The following PHTF1 variants were observed in gnomAD, a reference collection of about 807,000 sequenced individuals.
The protein encoded by PHTF1 is protein PHTF1.
Under a neutral mutation model 102.4 loss-of-function variants are expected in PHTF1, and 88 were observed. That is an observed-to-expected ratio of 0.86 (90% CI 0.72 to 1.03). The LOEUF (loss-of-function observed/expected upper bound fraction) is 1.03. Among genes scored for constraint, PHTF1 ranks in the 50% least tolerant of loss-of-function variants. PHTF1 has a pLI of 0.00. For missense variants in PHTF1, 814 were observed against 909.5 expected (o/e 0.89, Z 1.35); for synonymous variants, 289 against 305.2 (o/e 0.95, Z 0.55).
At chr1:113,742,770 T>C (rs772245888) in intron 3 of PHTF1, among the ~76,000 whole-genome samples, 4 of 152,212 alleles carry the variant, frequency 2.6e-5, no homozygotes, top group South Asian at 2.1e-4. Context: ...TAGTACACTA[T>C]TGTAGACTTT....
intron 12 of PHTF1, 65 bp from the exon 13 acceptor site, chr1:113,706,227 T>TG: frequency 2.3e-6 from 3 of 1,306,976 alleles, no homozygotes; most frequent in Non-Finnish European, 3.2e-6. Flanking sequence ...AAGCAGTATT[T>TG]ATCAAACACT....
At position 113,696,901 on chromosome 1, in the gene PHTF1, T is replaced by A. The variant is rs1648878933; in HGVS notation, c.*804A>T. The A allele has an allele frequency of 6.6e-6, 1 of 152,162 alleles. No individual in the cohort carries two copies. The highest frequency in any genetic ancestry group is 6.5e-5 in the Admixed American group (1 of 15,274). The allele number at this position is 152,162 out of a possible 1,614,324, so 9.4% of individuals were successfully genotyped here. A position where few individuals can be genotyped will look rare whatever the true frequency, so the allele number is the denominator to read the frequency against. ...GATAAACTATCAATGATGCTTGTGA[T>A]AGGACACATAGCACTGTGTTAGGAA... On this transcript the variant is annotated 3_prime_UTR_variant, in exon 19 of 19. Coordinates refer to ENST00000369604, the MANE Select transcript of PHTF1 (RefSeq NM_001323043.2).
chr1:113,758,578 G>A (rs1460904997), intron 2 of PHTF1, 81 bp downstream of exon 2: 4 of 773,520 alleles, frequency 5.2e-6, no homozygotes, highest in Non-Finnish European at 8.0e-6. Flanking sequence ...TAAACTCGGG[G>A]GAAAGTAACA....
rs564415220 is a variant in PHTF1 at position 113,710,622 on chromosome 1, C to T, written c.1048-147G>A. The T allele has an allele frequency of 4.2e-5, 27 of 635,316 alleles. No individual in the cohort carries two copies. The East Asian group carries it at 4.4e-4, about 10-fold the overall frequency. The allele number at this position is 635,316 out of a possible 1,614,324, so 39.4% of individuals were successfully genotyped here. A position where few individuals can be genotyped will look rare whatever the true frequency, so the allele number is the denominator to read the frequency against. ...GAATTCATTTTTTCACAGGGCTTCA[C>T]GTAACAATAATGCTTTTTTATTTTT... On this transcript the variant is annotated intron_variant, in intron 10 of 18. Coordinates refer to ENST00000369604, the MANE Select transcript of PHTF1 (RefSeq NM_001323043.2).
chr1:113,747,268 T>C (rs1282528032), intron 3 of PHTF1, among the ~76,000 whole-genome samples: 1 of 152,238 alleles, frequency 6.6e-6, no homozygotes, highest in East Asian at 1.9e-4. Flanking sequence ...TATTATATTT[T>C]CCTCTCACAA....
Position 113,713,473 on chromosome 1 carries a change from T to G in PHTF1, c.624-35A>C, listed in dbSNP as rs375146846. The G allele has an allele frequency of 2.3e-4, 288 of 1,243,732 alleles. 1 individual carries two copies. Among genetic ancestry groups the G allele is most frequent in the Non-Finnish European group, 1.0e-4 (88 of 876,964 alleles). 77.0% of individuals were successfully genotyped at this position (1,243,732 alleles called of 1,614,324 possible). On this transcript the variant is annotated intron_variant, in intron 7 of 18. Transcript: ENST00000369604. ...AAAAAAGGAAAAGAAGATTAATTTT[T>G]TGAAAGTAACACCTTTCATGAAACC...
intron 18 of PHTF1, 44 bp from the exon 19 acceptor site, chr1:113,697,769 C>T: frequency 6.8e-7 from 1 of 1,463,978 alleles, no homozygotes; most frequent in Non-Finnish European, 9.6e-7. Context: ...CTAGGAAAAC[C>T]AGGTGGGATT....
At chr1:113,712,937 G>A (rs528731333) in intron 8 of PHTF1, among the ~76,000 whole-genome samples, 2 of 152,062 alleles carry the variant, frequency 1.3e-5, no homozygotes, top group Admixed American at 6.6e-5. Flanking sequence ...GACTACAGGC[G>A]CCCGCCAACA....
chr1:113,705,309 G>A (rs1279587001), intron 13 of PHTF1, among the ~76,000 whole-genome samples: 9 of 152,148 alleles, frequency 5.9e-5, no homozygotes, highest in South Asian at 4.2e-4. Flanking sequence ...GTGTGGTGGC[G>A]CAGGCCTGTA....
chr1:113,704,643 AT>A lies in PHTF1; in HGVS notation c.1803+22del, dbSNP rs748697708. On this transcript the variant is annotated intron_variant, in intron 14 of 18. Coordinates refer to ENST00000369604, the MANE Select transcript of PHTF1 (RefSeq NM_001323043.2). ...GTGAGCATATTCTTGCACATACTCT[AT>A]TGTTAATCAAATAAAACTCACCTTT... 9.7e-6 allele frequency: 15 copies of A among 1,545,194 alleles called. No individual in the cohort carries two copies. The Middle Eastern group carries it at 6.9e-4, about 71-fold the overall frequency.
chr1:113,747,210 G>C (rs901191630), intron 3 of PHTF1, among the ~76,000 whole-genome samples: 3 of 152,132 alleles, frequency 2.0e-5, no homozygotes, highest in African/African-American at 7.2e-5. Context: ...AATGTTTAGA[G>C]GGTTATAATT....
At chr1:113,752,454 C>T (rs896424828) in intron 3 of PHTF1, among the ~76,000 whole-genome samples, 1 of 118,860 alleles carries the variant, frequency 8.4e-6, no homozygotes, top group Non-Finnish European at 1.6e-5. Flanking sequence ...GGCTGGAGTG[C>T]AGTGGCGCGA....
At position 113,707,001 on chromosome 1, in the gene PHTF1, C is replaced by G. The variant is rs781485015; in HGVS notation, c.1270-279G>C. On this transcript the variant is annotated intron_variant, in intron 11 of 18. Coordinates refer to ENST00000369604, the MANE Select transcript of PHTF1 (RefSeq NM_001323043.2). ...ACCATAGGCACATACCACCATGGCT[C>G]GCTAGGTCCATTTTTCCTTACTAAG... 8.8e-4 allele frequency among the ~76,000 whole-genome samples: 134 copies of G among 151,842 alleles called. 1 individual carries two copies. Among genetic ancestry groups the G allele is most frequent in the Non-Finnish European group, 1.5e-3 (102 of 67,904 alleles).
chr1:113,729,382 T>C (rs1413756263), intron 5 of PHTF1, among the ~76,000 whole-genome samples: 2 of 152,150 alleles, frequency 1.3e-5, no homozygotes, highest in Admixed American at 6.5e-5. Flanking sequence ...TAATTGTACA[T>C]TTAAAATGAA....
At chr1:113,709,397 T>C (rs1452943982) in intron 11 of PHTF1, among the ~76,000 whole-genome samples, 1 of 152,144 alleles carries the variant, frequency 6.6e-6, no homozygotes, top group Admixed American at 6.6e-5. Context: ...ATATCCATCA[T>C]CCACTATTTG....
intron 14 of PHTF1, among the ~76,000 whole-genome samples, 193 bp downstream of exon 14, chr1:113,704,469 CCTTT>C (rs1468110696): frequency 1.3e-5 from 2 of 152,010 alleles, no homozygotes; most frequent in Non-Finnish European, 2.9e-5. Context: ...TTTTCTTTTC[CCTTT>C]CTAAGCTCTT....
intron 7 of PHTF1, among the ~76,000 whole-genome samples, chr1:113,719,691 C>T (rs1171312270): frequency 1.3e-5 from 2 of 152,218 alleles, no homozygotes; most frequent in African/African-American, 4.8e-5. Context: ...CTGTCTTCTT[C>T]TGAGCGCTCC....
chr1:113,757,819 G>T, intron 2 of PHTF1, 64 bp from the exon 3 acceptor site: 1 of 1,063,400 alleles, frequency 9.4e-7, no homozygotes, highest in Non-Finnish European at 1.5e-6. Flanking sequence ...ATTAAGTCAA[G>T]CCTCATAAAA....
intron 2 of PHTF1, 123 bp from the exon 3 acceptor site, chr1:113,757,878 C>G (rs969094111): frequency 6.1e-6 from 4 of 658,904 alleles, no homozygotes; most frequent in African/African-American, 3.7e-5. Flanking sequence ...ATATGCTTCT[C>G]AAAAGTTAGA....
Sources: allele counts gnomAD v4.1 joint callset (sites outside exome capture counted in the v4.1 genomes callset), GRCh38; gene constraint gnomAD v4.1.1; transcripts MANE v1.5; gene names NCBI Gene and HGNC (gene_info 2026-07-23, HGNC 2026-07-21).